FTO: variants seen among roughly 807,000 people sequenced by gnomAD.
FTO encodes the protein FTO alpha-ketoglutarate dependent dioxygenase.
Under a neutral mutation model 63.9 loss-of-function variants are expected in FTO, and 47 were observed. The ratio of observed to expected loss-of-function variants is 0.74; its 90% confidence interval spans 0.58 to 0.94. The LOEUF (loss-of-function observed/expected upper bound fraction) is 0.94, where lower values mean the gene tolerates loss of function less well. FTO is among the 40% of genes least tolerant of loss of function. The pLI is 0.00. For missense variants in FTO, 562 were observed against 618.1 expected (o/e 0.91, Z 0.96); for synonymous variants, 207 against 224.4 (o/e 0.92, Z 0.69).
intron 1 of FTO, among the ~76,000 whole-genome samples, chr16:53,726,677 C>T (rs1411049172): frequency 6.6e-6 from 1 of 152,166 alleles, no homozygotes; most frequent in Non-Finnish European, 1.5e-5. Flanking sequence ...TGTGTCTCTG[C>T]CTGGACAGAA....
At chr16:53,838,697 C>T (rs576776666) in intron 3 of FTO, among the ~76,000 whole-genome samples, 30 of 151,820 alleles carry the variant, frequency 2.0e-4, no homozygotes, top group African/African-American at 3.9e-4. Flanking sequence ...AAATTAGCCA[C>T]GTGTGGTGGC....
intron 8 of FTO, among the ~76,000 whole-genome samples, chr16:54,060,815 T>A (rs1452669274): frequency 2.0e-5 from 3 of 152,228 alleles, no homozygotes; most frequent in Non-Finnish European, 4.4e-5. Flanking sequence ...CACCACTCCC[T>A]TGCTGCTATT....
At chr16:54,078,511 A>G (rs1398794228) in intron 8 of FTO, among the ~76,000 whole-genome samples, 1 of 151,972 alleles carries the variant, frequency 6.6e-6, no homozygotes, top group Non-Finnish European at 1.5e-5. Context: ...CAGAGTTCTC[A>G]GTTACACAGT....
At chr16:54,075,751 C>T (rs111655253) in intron 8 of FTO, among the ~76,000 whole-genome samples, 404 of 152,238 alleles carry the variant, frequency 2.7e-3, no homozygotes, top group African/African-American at 9.1e-3. Context: ...TTGTGACATG[C>T]TATAAATGAA....
chr16:53,814,760 TC>T (rs1307484011), intron 2 of FTO: 1 of 152,332 alleles, frequency 6.6e-6, no homozygotes, highest in Non-Finnish European at 1.5e-5. Context: ...CTGAAAGTCT[TC>T]CAGCTACATC....
chr16:53,934,889 T>G (rs1264160912), intron 8 of FTO, among the ~76,000 whole-genome samples: 1 of 152,192 alleles, frequency 6.6e-6, no homozygotes, highest in Non-Finnish European at 1.5e-5. Flanking sequence ...ATTTTTAGGG[T>G]TGACCAACTA....
intron 1 of FTO, among the ~76,000 whole-genome samples, chr16:53,779,898 C>G (rs1223726786): frequency 6.6e-6 from 1 of 152,134 alleles, no homozygotes; most frequent in Non-Finnish European, 1.5e-5. Context: ...ACAATTTTCT[C>G]CACTTCTGTC....
chr16:54,081,665 A>G (rs2086145425), intron 8 of FTO, among the ~76,000 whole-genome samples: 2 of 152,322 alleles, frequency 1.3e-5, no homozygotes, highest in African/African-American at 4.8e-5. Context: ...GAGATAGGGC[A>G]TGTGTAGGAA....
intron 8 of FTO, among the ~76,000 whole-genome samples, chr16:53,999,117 A>G (rs550279540): frequency 3.1e-4 from 47 of 152,288 alleles, no homozygotes; most frequent in African/African-American, 1.1e-3. Flanking sequence ...GGAGCACCCA[A>G]GTAAGTGAAG....
At chr16:53,941,617 CG>C (rs1285212406) in intron 8 of FTO, among the ~76,000 whole-genome samples, 5 of 152,062 alleles carry the variant, frequency 3.3e-5, no homozygotes, top group Admixed American at 6.6e-5. Flanking sequence ...GAGGCTGAGG[CG>C]GGCAGATTGC....
At chr16:53,859,977 A>G (rs1213225041) in intron 4 of FTO, among the ~76,000 whole-genome samples, 2 of 152,240 alleles carry the variant, frequency 1.3e-5, no homozygotes, top group African/African-American at 4.8e-5. Flanking sequence ...TCAAAGAGAT[A>G]TCTTCATTCC....
intron 1 of FTO, among the ~76,000 whole-genome samples, chr16:53,710,956 C>T (rs1013997389): frequency 3.3e-5 from 5 of 152,006 alleles, no homozygotes; most frequent in African/African-American, 9.7e-5. Flanking sequence ...CATTTACTTG[C>T]GCAAGCAATT....
At chr16:54,016,483 T>A (rs2084452687) in intron 8 of FTO, among the ~76,000 whole-genome samples, 1 of 152,172 alleles carries the variant, frequency 6.6e-6, no homozygotes, top group Admixed American at 6.5e-5. Flanking sequence ...GCAGTCTCAG[T>A]CTAAGGTATC....
chr16:53,883,350 G>A (rs558635376), intron 6 of FTO, among the ~76,000 whole-genome samples: 4 of 152,230 alleles, frequency 2.6e-5, no homozygotes, highest in South Asian at 2.1e-4. Flanking sequence ...GGCTGGGTGC[G>A]GTGGCTCACG....
At chr16:53,737,712 G>A (rs2076422112) in intron 1 of FTO, among the ~76,000 whole-genome samples, 1 of 152,112 alleles carries the variant, frequency 6.6e-6, no homozygotes, top group Non-Finnish European at 1.5e-5. Flanking sequence ...GCCCTCTTGG[G>A]AAACATGTTT....
rs1402995517 is a variant in FTO, at chr16:53,760,729, C to T, written c.46-49411C>T. Among the ~76,000 whole-genome samples, 8 of 145,974 alleles carry T rather than the reference C, an allele frequency of 5.5e-5. No individual in the cohort carries two copies. The East Asian group carries it at 8.4e-4, about 15-fold the overall frequency. On this transcript the variant is annotated intron_variant, in intron 1 of 8. Coordinates refer to ENST00000471389, the MANE Select transcript of FTO (RefSeq NM_001080432.3). ...GCAACCTCCGCCTCCCAGGTTCAAG[C>T]GATTCTCCTGCCTCAGCCTCCCAAA...
At chr16:54,095,672 T>C (rs543133361) in intron 8 of FTO, among the ~76,000 whole-genome samples, 1 of 152,298 alleles carries the variant, frequency 6.6e-6, no homozygotes, top group East Asian at 1.9e-4. Flanking sequence ...GAGATCCAGA[T>C]GGAGGGGGTT....
chr16:54,099,111 A>G (rs2086579373), intron 8 of FTO, among the ~76,000 whole-genome samples: 1 of 152,164 alleles, frequency 6.6e-6, no homozygotes, highest in African/African-American at 2.4e-5. Context: ...GAGAGACCGT[A>G]TTCTGTGGCT....
At chr16:54,059,418 G>A (rs1425991939) in intron 8 of FTO, among the ~76,000 whole-genome samples, 3 of 152,122 alleles carry the variant, frequency 2.0e-5, no homozygotes, top group African/African-American at 7.2e-5. Context: ...TGATAAAAAT[G>A]TCATATATCA....
Sources: allele counts gnomAD v4.1 joint callset (sites outside exome capture counted in the v4.1 genomes callset), GRCh38; gene constraint gnomAD v4.1.1; transcripts MANE v1.5; gene names NCBI Gene and HGNC (gene_info 2026-07-23, HGNC 2026-07-21).